The following KLHL1 variants were observed in gnomAD, a reference collection of about 807,000 sequenced individuals.
KLHL1 encodes kelch-like protein 1.
Under a neutral mutation model 77.7 loss-of-function variants are expected in KLHL1, and 47 were observed. The observed-to-expected ratio is 0.60, with a 90% CI of 0.48 to 0.77. The LOEUF (loss-of-function observed/expected upper bound fraction) is 0.77, where lower values mean the gene tolerates loss of function less well. Among genes scored for constraint, KLHL1 ranks in the 30% least tolerant of loss-of-function variants. The pLI is 0.00. For synonymous variants in KLHL1, 360 were observed against 325.2 expected, an observed-to-expected ratio of 1.11 and a Z score of -1.15; for missense variants, 925 against 910.8, an observed-to-expected ratio of 1.02 and a Z score of -0.20.
At chr13:69,853,770 T>C (rs534351135) in intron 5 of KLHL1, among the ~76,000 whole-genome samples, 2 of 152,054 alleles carry the variant, frequency 1.3e-5, no homozygotes, top group Non-Finnish European at 2.9e-5. Context: ...TAGATATAAC[T>C]GGATAAGGTA....
chr13:69,934,045 T>C (rs1466337583), intron 4 of KLHL1, among the ~76,000 whole-genome samples: 1 of 152,150 alleles, frequency 6.6e-6, no homozygotes, highest in Non-Finnish European at 1.5e-5. Flanking sequence ...TGATCCTGAG[T>C]AAATTATTTA....
intron 1 of KLHL1, among the ~76,000 whole-genome samples, chr13:70,039,637 C>CT (rs773600359): frequency 0.024 from 3,031 of 125,462 alleles, 73 homozygotes; most frequent in African/African-American, 0.05. Flanking sequence ...ATTCCTTGAA[C>CT]TTTTTTTTTT....
At chr13:70,001,657 T>TTATCTATCTATCTATCTATC (rs71116972) in intron 1 of KLHL1, among the ~76,000 whole-genome samples, 6 of 145,272 alleles carry the variant, frequency 4.1e-5, no homozygotes, top group Admixed American at 2.1e-4. Context: ...TATCTATCTA[T>TTATCTATCTATCTATCTATC]TATCTATCTA....
chr13:70,090,877 A>G (rs1449489123), intron 1 of KLHL1, among the ~76,000 whole-genome samples: 1 of 152,158 alleles, frequency 6.6e-6, no homozygotes, highest in Admixed American at 6.6e-5. Context: ...TAAAAATAAT[A>G]TGATGGAAAA....
At chr13:70,049,448 C>T (rs982570241) in intron 1 of KLHL1, among the ~76,000 whole-genome samples, 2 of 152,116 alleles carry the variant, frequency 1.3e-5, no homozygotes, top group African/African-American at 4.8e-5. Context: ...ATCTGAATTA[C>T]AAAGAAAAAA....
intron 4 of KLHL1, among the ~76,000 whole-genome samples, chr13:69,921,900 T>C (rs984927354): frequency 1.3e-5 from 2 of 150,668 alleles, no homozygotes; most frequent in African/African-American, 2.4e-5. Flanking sequence ...TAGGGAGTTA[T>C]AGATTTTTGT....
At chr13:70,075,615 T>C (rs1458613153) in intron 1 of KLHL1, among the ~76,000 whole-genome samples, 2 of 38,428 alleles carry the variant, frequency 5.2e-5, no homozygotes, top group Admixed American at 3.4e-4. Context: ...ATATAGGACT[T>C]ACATATATAT....
chr13:69,924,408 C>T (rs1031121371), intron 4 of KLHL1, among the ~76,000 whole-genome samples: 1 of 152,124 alleles, frequency 6.6e-6, no homozygotes, highest in Non-Finnish European at 1.5e-5. Context: ...CCAGACTCAG[C>T]CAGACTCGAG....
chr13:69,947,026 TGTTGTGTGTGTG>T (rs1391380303), intron 3 of KLHL1, among the ~76,000 whole-genome samples: 23 of 103,504 alleles, frequency 2.2e-4, no homozygotes, highest in African/African-American at 8.2e-4. Context: ...TGTGTGTGTG[TGTTGTGTGTGTG>T]TGTGTGTGTG....
chr13:69,999,809 G>T (rs993731075), intron 1 of KLHL1, among the ~76,000 whole-genome samples: 1 of 152,036 alleles, frequency 6.6e-6, no homozygotes, highest in Non-Finnish European at 1.5e-5. Flanking sequence ...GGAATGGATG[G>T]TTGTCTAAAA....
chr13:69,789,395 A>ATGTT (rs773890157), intron 7 of KLHL1, among the ~76,000 whole-genome samples: 65 of 152,194 alleles, frequency 4.3e-4, no homozygotes, highest in Non-Finnish European at 7.8e-4. Flanking sequence ...AACAGCATAT[A>ATGTT]TGTTAGAAAA....
rs531087726 is a variant in KLHL1, at chr13:70,006,439, C to A, written c.498-30637G>T. Among the ~76,000 whole-genome samples, 6 of 145,830 alleles carry A rather than the reference C, an allele frequency of 4.1e-5. No homozygotes were observed. In the East Asian group the frequency reaches 1.2e-3, roughly 29 times the overall value. ...CTGTAATTTTTCTTTCTTGTATTGT[C>A]TTTGCCTGGCTTTGACTTTAGATTT... On this transcript the variant is annotated intron_variant, in intron 1 of 10. Coordinates refer to ENST00000377844, the MANE Select transcript of KLHL1 (RefSeq NM_020866.3).
intron 6 of KLHL1, among the ~76,000 whole-genome samples, chr13:69,816,575 ATATG>A (rs1048027120): frequency 2.8e-4 from 43 of 152,048 alleles, no homozygotes; most frequent in African/African-American, 9.6e-4. Flanking sequence ...TGAATTTTTT[ATATG>A]TAACTACCTA....
At chr13:69,916,864 A>G (rs186596846) in intron 4 of KLHL1, among the ~76,000 whole-genome samples, 161 of 152,262 alleles carry the variant, frequency 1.1e-3, no homozygotes, top group Middle Eastern at 6.8e-3. Context: ...ATATTAAAAA[A>G]CAAAGAATCT....
At chr13:69,712,888 GC>G (rs1187737145) in intron 9 of KLHL1, among the ~76,000 whole-genome samples, 2 of 151,476 alleles carry the variant, frequency 1.3e-5, no homozygotes, top group African/African-American at 4.8e-5. Flanking sequence ...GAGATCTTGA[GC>G]ACCACAATCT....
chr13:70,011,815 C>T lies in KLHL1; in HGVS notation c.498-36013G>A, dbSNP rs927063630. Among the ~76,000 whole-genome samples the T allele has an allele frequency of 2.0e-4, 30 of 152,010 alleles. 1 individual carries two copies. The highest frequency in any genetic ancestry group is 5.8e-4 in the African/African-American group (24 of 41,380). On this transcript the variant is annotated intron_variant, in intron 1 of 10. Coordinates refer to ENST00000377844, the MANE Select transcript of KLHL1 (RefSeq NM_020866.3). ...AATTTTGAATTAAATTTGGGGGTTCCGTATTTGTCCATTTTCATGCCGTTG... is the reference window on the plus strand; with the variant it reads ...AATTTTGAATTAAATTTGGGGGTTCTGTATTTGTCCATTTTCATGCCGTTG...
intron 6 of KLHL1, chr13:69,803,111 G>T (rs1428913774): frequency 3.3e-5 from 5 of 152,154 alleles, no homozygotes; most frequent in Middle Eastern, 3.4e-3. Context: ...ACACTTTAGG[G>T]ATATTTTAAT....
chr13:69,854,023 AAAAGAT>A, intron 5 of KLHL1, among the ~76,000 whole-genome samples: 2 of 152,158 alleles, frequency 1.3e-5, no homozygotes, highest in South Asian at 4.1e-4. Flanking sequence ...CTATCCCAAG[AAAAGAT>A]AATCCATCCT....
At chr13:69,833,766 T>C (rs113347424) in intron 6 of KLHL1, among the ~76,000 whole-genome samples, 4,168 of 129,488 alleles carry the variant, frequency 0.032, 67 homozygotes, top group African/African-American at 0.055. Flanking sequence ...TATATATATA[T>C]ACATACATAC....
Sources: allele counts gnomAD v4.1 joint callset (sites outside exome capture counted in the v4.1 genomes callset), GRCh38; gene constraint gnomAD v4.1.1; transcripts MANE v1.5; gene names NCBI Gene and HGNC (gene_info 2026-07-23, HGNC 2026-07-21).